STAU1: variants seen among roughly 807,000 people sequenced by gnomAD.
The protein encoded by STAU1 is staufen double-stranded RNA binding protein 1.
A neutral mutation model predicts 62.9 loss-of-function variants in STAU1; 13 were observed. The observed-to-expected ratio is 0.21, with a 90% CI of 0.13 to 0.33. STAU1 has a LOEUF of 0.33. Among genes scored for constraint, STAU1 ranks in the 10% least tolerant of loss-of-function variants. The pLI, the probability that STAU1 is intolerant of heterozygous loss-of-function variation, is 1.00. For missense variants in STAU1, 571 were observed against 712.1 expected (o/e 0.80, Z 2.25); for synonymous variants, 269 against 265.1 (o/e 1.01, Z -0.14).
the STAU1 span, among the ~76,000 whole-genome samples, chr20:49,212,178 AG>A: frequency 0.038 from 5,769 of 152,012 alleles, 336 homozygotes; most frequent in African/African-American, 0.13. Flanking sequence ...TTGTAGAGAC[AG>A]GGTTTTGCCA....
the STAU1 span, among the ~76,000 whole-genome samples, chr20:49,201,083 G>GAAGAAGAAGAA: frequency 4.9e-5 from 5 of 101,714 alleles, no homozygotes; most frequent in African/African-American, 6.4e-5. Context: ...AGAAGAAGAA[G>GAAGAAGAAGAA]AAGAAAAGAA....
intron 2 of STAU1, among the ~76,000 whole-genome samples, chr20:49,173,427 G>C (rs923030591): frequency 9.2e-5 from 14 of 152,076 alleles, no homozygotes; most frequent in Admixed American, 7.9e-4. Flanking sequence ...CTCCAACCTG[G>C]GCAACAAGAG....
intron 5 of STAU1, among the ~76,000 whole-genome samples, chr20:49,140,412 T>A (rs2092983566): frequency 6.6e-6 from 1 of 152,070 alleles, no homozygotes; most frequent in Non-Finnish European, 1.5e-5. Context: ...AACCCAAATG[T>A]CCATCAACAG....
At chr20:49,157,178 C>T (rs1186158898) in intron 3 of STAU1, among the ~76,000 whole-genome samples, 1 of 151,940 alleles carries the variant, frequency 6.6e-6, no homozygotes, top group Non-Finnish European at 1.5e-5. Flanking sequence ...CGTCCAGCCT[C>T]AAAATTCTCT....
At chr20:49,193,886 G>C in the STAU1 span, among the ~76,000 whole-genome samples, 1 of 149,718 alleles carries the variant, frequency 6.7e-6, no homozygotes, top group South Asian at 2.1e-4. Context: ...GGAGAATGGC[G>C]TGAACCCGGG....
At chr20:49,155,088 A>T (rs1301696238) in intron 3 of STAU1, among the ~76,000 whole-genome samples, 6 of 12,334 alleles carry the variant, frequency 4.9e-4, no homozygotes, top group Non-Finnish European at 7.0e-4. Flanking sequence ...CTCTGTCTTA[A>T]AAAAAAAAAA....
intron 6 of STAU1, 117 bp downstream of exon 6, chr20:49,135,716 T>C (rs1008165032): frequency 1.4e-5 from 11 of 765,044 alleles, no homozygotes; most frequent in African/African-American, 5.3e-5. Context: ...AATCTTAAAT[T>C]TGGAGGTTCA....
chr20:49,165,270 C>T (rs1205186294), intron 3 of STAU1, among the ~76,000 whole-genome samples: 1 of 152,156 alleles, frequency 6.6e-6, no homozygotes, highest in Non-Finnish European at 1.5e-5. Context: ...GTCTCGAACT[C>T]ATGACCTCGT....
intron 1 of STAU1, among the ~76,000 whole-genome samples, chr20:49,176,935 A>G (rs1441493842): frequency 6.8e-6 from 1 of 146,504 alleles, no homozygotes; most frequent in East Asian, 2.0e-4. Flanking sequence ...TTTTTGAGAC[A>G]GAGTCTCGCT....
At chr20:49,121,846 C>A (rs2092471840) in intron 8 of STAU1, among the ~76,000 whole-genome samples, 1 of 152,184 alleles carries the variant, frequency 6.6e-6, no homozygotes, top group South Asian at 2.1e-4. Context: ...CTACTTACAA[C>A]CCCCTTCCAA....
the STAU1 span, among the ~76,000 whole-genome samples, chr20:49,202,352 G>A: frequency 6.6e-6 from 1 of 151,942 alleles, no homozygotes; most frequent in Non-Finnish European, 1.5e-5. Flanking sequence ...TCTTGAGGTC[G>A]GGAGTTCGAG....
In STAU1 at chr20:49,169,302, G is replaced by A. The variant is rs534353430; in HGVS notation, c.-84-3017C>T. On this transcript the variant is annotated intron_variant, in intron 2 of 13. Transcript: ENST00000371856. ...GATGCTCCTCTCCCAAAGAGAAGCCGGAACAGACATCACAGTGATGAATGG... is the reference window on the plus strand; with the variant it reads ...GATGCTCCTCTCCCAAAGAGAAGCCAGAACAGACATCACAGTGATGAATGG... Among the ~76,000 whole-genome samples the A allele has an allele frequency of 5.9e-5, 9 of 152,130 alleles. No homozygotes were observed. The East Asian group carries it at 9.7e-4, about 16-fold the overall frequency.
chr20:49,165,912 A>T, intron 3 of STAU1, 85 bp downstream of exon 3: 2 of 1,367,314 alleles, frequency 1.5e-6, no homozygotes, highest in East Asian at 4.6e-5. Context: ...TAAATGTGAG[A>T]GCTCCCTAAA....
Position 49,148,669 on chromosome 20 carries a change from A to AGGG in STAU1, c.510+2912_510+2913insCCC. Among the ~76,000 whole-genome samples, 3 of 152,348 alleles carry AGGG rather than the reference A, an allele frequency of 2.0e-5. No homozygotes were observed. The South Asian group carries it at 6.2e-4, about 32-fold the overall frequency. On this transcript the variant is annotated intron_variant, in intron 5 of 13. Coordinates refer to ENST00000371856, the MANE Select transcript of STAU1 (RefSeq NM_017453.4). ...CCAAAGGGCACAAGTAGATTTAAACACCACTCCCAGCAAAGCTCCTCAGAG... is the reference window on the plus strand; with the variant it reads ...CCAAAGGGCACAAGTAGATTTAAACAGGGCCACTCCCAGCAAAGCTCCTCAGAG...
the STAU1 span, among the ~76,000 whole-genome samples, chr20:49,203,519 A>C: frequency 6.6e-6 from 1 of 152,324 alleles, no homozygotes; most frequent in Non-Finnish European, 1.5e-5. Flanking sequence ...TATGCTTTGT[A>C]ATGGACATAG....
chr20:49,122,901 A>G (rs1459224240), intron 8 of STAU1, among the ~76,000 whole-genome samples, 191 bp downstream of exon 8: 3 of 149,572 alleles, frequency 2.0e-5, no homozygotes, highest in African/African-American at 7.5e-5. Flanking sequence ...TGGGCGACAG[A>G]GTGAGACTCC....
intron 1 of STAU1, among the ~76,000 whole-genome samples, chr20:49,184,581 T>G (rs1042046916): frequency 6.6e-6 from 1 of 152,214 alleles, no homozygotes; most frequent in Admixed American, 6.5e-5. Context: ...TTCAAGGACC[T>G]GCTGTAATCT....
chr20:49,174,732 T>C (rs2093637901), intron 1 of STAU1, among the ~76,000 whole-genome samples: 1 of 151,808 alleles, frequency 6.6e-6, no homozygotes, highest in African/African-American at 2.4e-5. Flanking sequence ...GGTCAGGAGA[T>C]CGAGACCATC....
rs557951098 is a variant in STAU1 at position 49,171,530 on chromosome 20, G to A, written c.-85+2665C>T. Among the ~76,000 whole-genome samples the A allele has an allele frequency of 2.6e-5, 4 of 152,156 alleles. No individual in the cohort carries two copies. In the South Asian group the frequency reaches 6.2e-4, roughly 24 times the overall value. ...TCTCTATCTCCTGACCTTGTGATCC[G>A]CCTGCCTCGGCCTCCCGAAGTGCTG... On this transcript the variant is annotated intron_variant, in intron 2 of 13. Coordinates refer to ENST00000371856, the MANE Select transcript of STAU1 (RefSeq NM_017453.4).
Sources: gnomAD v4.1 joint callset for allele counts (sites outside exome capture counted in the v4.1 genomes callset) on GRCh38, gnomAD v4.1.1 for gene constraint, MANE v1.5 for transcripts, NCBI Gene and HGNC (gene_info 2026-07-23, HGNC 2026-07-21) for gene names.